XPOT: variants seen among roughly 807,000 people sequenced by gnomAD.
XPOT encodes the protein exportin for tRNA.
XPOT carries 34 observed loss-of-function variants against 128.2 expected under a neutral mutation model. That is an observed-to-expected ratio of 0.27 (90% confidence interval 0.20 to 0.35). The LOEUF is 0.35. Among genes scored for constraint, XPOT ranks in the 10% least tolerant of loss-of-function variants. XPOT has a pLI of 1.00. For missense variants in XPOT, 838 were observed against 1,125.3 expected (o/e 0.74, Z 3.65); for synonymous variants, 348 against 394.3 (o/e 0.88, Z 1.39).
chr12:64,407,608 CT>C (rs1250903345), intron 1 of XPOT, among the ~76,000 whole-genome samples: 2 of 151,966 alleles, frequency 1.3e-5, no homozygotes, highest in South Asian at 2.1e-4. Context: ...AAGAAGTGTT[CT>C]TGAAAGAGAT....
chr12:64,421,499 C>T, intron 9 of XPOT, 28 bp downstream of exon 9: 1 of 1,478,282 alleles, frequency 6.8e-7, no homozygotes, highest in African/African-American at 1.4e-5. Context: ...TCTTTTTGCT[C>T]AATACATAAT....
At chr12:64,406,924 C>G (rs2039989249) in intron 1 of XPOT, among the ~76,000 whole-genome samples, 1 of 152,164 alleles carries the variant, frequency 6.6e-6, no homozygotes, top group Non-Finnish European at 1.5e-5. Context: ...GTTCCTACCT[C>G]TGACTATAAA....
At position 64,449,886 on chromosome 12, in the gene XPOT, G is replaced by T. The variant is rs2040396364; in HGVS notation, c.*1755G>T. ...AGTGGGTAAGAGTTTATATAGCACA[G>T]GCTCTAGAATCAGATTAAGTAGGTT... On this transcript the variant is annotated 3_prime_UTR_variant, in exon 25 of 25. Coordinates refer to ENST00000332707, the MANE Select transcript of XPOT (RefSeq NM_007235.6). 1 of 152,194 alleles carries T rather than the reference G, an allele frequency of 6.6e-6. No homozygotes were observed. Among genetic ancestry groups the T allele is most frequent in the African/African-American group, 2.4e-5 (1 of 41,454 alleles). The allele number at this position is 152,194 out of a possible 1,614,324, so 9.4% of individuals were successfully genotyped here.
At chr12:64,435,452 C>T (rs1045443068) in intron 21 of XPOT, among the ~76,000 whole-genome samples, 175 bp from the exon 22 acceptor site, 1 of 152,130 alleles carries the variant, frequency 6.6e-6, no homozygotes, top group Non-Finnish European at 1.5e-5. Context: ...TTACTTCAAC[C>T]CACTTAGTCC....
Position 64,420,886 on chromosome 12 carries a change from C to T in XPOT, c.844-349C>T, listed in dbSNP as rs182402941. Among the ~76,000 whole-genome samples, 142 of 152,252 alleles carry T rather than the reference C, an allele frequency of 9.3e-4. 1 individual carries two copies. Among genetic ancestry groups the T allele is most frequent in the African/African-American group, 3.1e-3 (129 of 41,540 alleles). On this transcript the variant is annotated intron_variant, in intron 8 of 24. Coordinates refer to ENST00000332707, the MANE Select transcript of XPOT (RefSeq NM_007235.6). The stretch of plus-strand genomic sequence containing the variant: ...CACAGTCTCGGCTCACTGCAACCTC[C>T]GTCTCCCGGGTTCAAGTGATTCTCC...
rs757010718 is a variant in XPOT at position 64,421,448 on chromosome 12, G to A, written c.1057G>A (p.Asp353Asn). 9.3e-6 allele frequency: 15 copies of A among 1,611,488 alleles called. No homozygotes were observed. Among genetic ancestry groups the A allele is most frequent in the African/African-American group, 2.7e-5 (2 of 74,826 alleles). The change falls in exon 9 of 25, where the codon GAT becomes AAT. Residue 353 changes from aspartate to asparagine, a missense_variant. Physicochemically the swap from Asp to Asn is conservative, Grantham distance 23. Transcript: ENST00000332707. ...TTCTAATATTATTGGATTTTGTTAC[G>A]ATTATCTTCATATTTTGAAACAGGT... ...ISSNIIGFCYDYLHILKQLTV... is the reference protein window; with the variant it reads ...ISSNIIGFCYNYLHILKQLTV...
At chr12:64,420,644 A>G in intron 8 of XPOT, 123 bp downstream of exon 8, 2 of 759,738 alleles carry the variant, frequency 2.6e-6, no homozygotes, top group Non-Finnish European at 4.1e-6. Context: ...TGAGATTATA[A>G]TATAAACCAC....
Position 64,439,285 on chromosome 12 carries a change from C to G in XPOT, c.2775C>G (p.Pro925=). The G allele has an allele frequency of 6.2e-7, 1 of 1,614,050 alleles. No individual in the cohort carries two copies. Among genetic ancestry groups the G allele is most frequent in the Non-Finnish European group, 8.5e-7 (1 of 1,179,976 alleles). The part of the protein sequence containing the change: ...CVQYLQQEYL[P]SLQVAPEIIQ... ...AGTATCTTCAACAAGAATACCTGCC[C>G]TCCTTGCAAGTAGCTCCAGAAATAA... The change falls in exon 23 of 25, where the codon CCC becomes CCG. Residue 925 remains proline (P), a synonymous_variant. Coordinates refer to ENST00000332707, the MANE Select transcript of XPOT (RefSeq NM_007235.6).
intron 6 of XPOT, 133 bp from the exon 7 acceptor site, chr12:64,419,937 A>C: frequency 2.7e-5 from 19 of 696,436 alleles, no homozygotes; most frequent in Non-Finnish European, 4.0e-5. Context: ...ATATGATCTT[A>C]GAGCTGGTAA....
chr12:64,412,246 C>CATA (rs2040045035), intron 2 of XPOT, among the ~76,000 whole-genome samples: 1 of 152,034 alleles, frequency 6.6e-6, no homozygotes. Flanking sequence ...AGGCTGGTCT[C>CATA]AAACTCTTGA....
intron 22 of XPOT, 90 bp from the exon 23 acceptor site, chr12:64,439,154 G>T: frequency 1.6e-6 from 2 of 1,233,258 alleles, no homozygotes; most frequent in Non-Finnish European, 2.4e-6. Flanking sequence ...ATACTATATT[G>T]CCTTTAAAGT....
At chr12:64,415,738 A>G (rs1024688985) in intron 3 of XPOT, among the ~76,000 whole-genome samples, 1 of 152,162 alleles carries the variant, frequency 6.6e-6, no homozygotes, top group African/African-American at 2.4e-5. Context: ...CAATCTTTTA[A>G]TATTGGACCA....
At chr12:64,426,060 A>G (rs1049026328) in intron 15 of XPOT, 151 bp downstream of exon 15, 38 of 705,174 alleles carry the variant, frequency 5.4e-5, no homozygotes, top group Non-Finnish European at 8.1e-5. Context: ...GCTCATGCCT[A>G]TAATCCCAAC....
In XPOT at chr12:64,418,998, A is replaced by G. The variant is rs1433557748; in HGVS notation, c.393A>G (p.Val131=). Residue 131 remains valine, a synonymous_variant, in exon 6 of 25, where the codon GTA becomes GTG. Coordinates refer to ENST00000332707, the MANE Select transcript of XPOT (RefSeq NM_007235.6). ...AGTTTTTTTTTGACATTCTCTCAGT[A>G]GTGGACCTAAATCCAAGGGGAGTAG... ...WPKFFFDILS[V]VDLNPRGVDL... is the part of the protein sequence containing the mutation. 6.2e-7 allele frequency: 1 copy of G among 1,614,094 alleles called. No individual in the cohort carries two copies. The highest frequency in any genetic ancestry group is 2.2e-5 in the East Asian group (1 of 44,860).
intron 24 of XPOT, among the ~76,000 whole-genome samples, 181 bp from the exon 25 acceptor site, chr12:64,447,924 C>CT (rs2040378727): frequency 6.6e-6 from 1 of 152,198 alleles, no homozygotes; most frequent in Non-Finnish European, 1.5e-5. Context: ...TATATCTACA[C>CT]TTACCAAACT....
chr12:64,425,517 G>A, intron 14 of XPOT, 60 bp downstream of exon 14: 1 of 1,577,654 alleles, frequency 6.3e-7, no homozygotes, highest in Non-Finnish European at 8.6e-7. Flanking sequence ...TGATAGTGTA[G>A]TATTGTATTT....
chr12:64,433,129 A>G (rs1193532231), intron 18 of XPOT, among the ~76,000 whole-genome samples: 1 of 152,164 alleles, frequency 6.6e-6, no homozygotes, highest in East Asian at 1.9e-4. Context: ...TATTTTTAGT[A>G]GAGATGGGGT....
rs1221353365 is a variant in XPOT, at chr12:64,433,422, A to T, written c.2271A>T (p.Val757=). Residue 757 remains valine (V), a synonymous_variant, in exon 19 of 25, where the codon GTA becomes GTT. Transcript: ENST00000332707. The part of the protein sequence containing the change: ...NQITAKFKIQ[V]SPFLQQMFMP... The stretch of plus-strand genomic sequence containing the variant: ...TGATTGTTTATCTTCAGATACAGGT[A>T]TCCCCGTTTTTACAACAGATGTTCA... 6.4e-7 allele frequency: 1 copy of T among 1,551,964 alleles called. No homozygotes were observed. Among genetic ancestry groups the T allele is most frequent in the Middle Eastern group, 1.9e-4 (1 of 5,256 alleles).
intron 5 of XPOT, 73 bp from the exon 6 acceptor site, chr12:64,418,803 T>TA: frequency 7.0e-7 from 1 of 1,428,520 alleles, no homozygotes; most frequent in African/African-American, 1.4e-5. Flanking sequence ...CTTTGCCTTT[T>TA]AATAAGACAA....
Sources: gnomAD v4.1 joint callset for allele counts (sites outside exome capture counted in the v4.1 genomes callset) on GRCh38, gnomAD v4.1.1 for gene constraint, MANE v1.5 for transcripts, NCBI Gene and HGNC (gene_info 2026-07-23, HGNC 2026-07-21) for gene names.